The following SPATA16 variants were observed in gnomAD, a reference collection of about 807,000 sequenced individuals.
SPATA16 encodes spermatogenesis-associated protein 16.
Under a neutral mutation model 63.3 loss-of-function variants are expected in SPATA16, and 36 were observed. The observed-to-expected ratio is 0.57, with a 90% CI of 0.44 to 0.75. The LOEUF (loss-of-function observed/expected upper bound fraction) is 0.75. Among genes scored for constraint, SPATA16 ranks in the 30% least tolerant of loss-of-function variants. The pLI, the probability that SPATA16 is intolerant of heterozygous loss-of-function variation, is 0.00. For synonymous variants in SPATA16, 203 were observed against 216.7 expected (o/e 0.94, Z 0.56); for missense variants, 646 against 679.3 (o/e 0.95, Z 0.54).
At chr3:173,114,776 G>A (rs1430148399) in intron 2 of SPATA16, among the ~76,000 whole-genome samples, 1 of 152,178 alleles carries the variant, frequency 6.6e-6, no homozygotes, top group African/African-American at 2.4e-5. Context: ...AAGGAAAAGG[G>A]AGAGATGCTT....
At chr3:173,020,392 C>A (rs1202637416) in intron 3 of SPATA16, among the ~76,000 whole-genome samples, 1 of 152,012 alleles carries the variant, frequency 6.6e-6, no homozygotes, top group East Asian at 1.9e-4. Context: ...TAAGAGAAGA[C>A]CTGTACTGTT....
At chr3:173,136,218 A>G (rs918366720) in intron 1 of SPATA16, among the ~76,000 whole-genome samples, 1 of 152,238 alleles carries the variant, frequency 6.6e-6, no homozygotes, top group African/African-American at 2.4e-5. Context: ...ATAGACTGAA[A>G]GAGATTCCAT....
chr3:173,080,419 T>G (rs1178367553), intron 2 of SPATA16, among the ~76,000 whole-genome samples: 1 of 151,468 alleles, frequency 6.6e-6, no homozygotes, highest in Non-Finnish European at 1.5e-5. Flanking sequence ...GTTTTTCATG[T>G]TGAAACGCCA....
chr3:173,091,834 G>A (rs2108319854), intron 2 of SPATA16, among the ~76,000 whole-genome samples: 1 of 152,190 alleles, frequency 6.6e-6, no homozygotes, highest in East Asian at 1.9e-4. Context: ...AAATAAAGAT[G>A]CAGCATAATT....
At chr3:173,058,345 G>A (rs767723619) in intron 2 of SPATA16, among the ~76,000 whole-genome samples, 10 of 152,144 alleles carry the variant, frequency 6.6e-5, no homozygotes, top group East Asian at 3.9e-4. Flanking sequence ...ATGAACAGCC[G>A]TGTGTATACA....
chr3:173,023,768 T>C (rs1735389855), intron 3 of SPATA16, among the ~76,000 whole-genome samples: 1 of 151,696 alleles, frequency 6.6e-6, no homozygotes, highest in African/African-American at 2.4e-5. Context: ...ACAGAAATTT[T>C]ACTAATTTCT....
At chr3:172,944,376 A>C (rs998744928) in intron 6 of SPATA16, among the ~76,000 whole-genome samples, 1 of 152,220 alleles carries the variant, frequency 6.6e-6, no homozygotes, top group African/African-American at 2.4e-5. Flanking sequence ...TGATGAGGAC[A>C]TGGGGAAATT....
chr3:172,978,004 T>C (rs913426134), intron 4 of SPATA16, among the ~76,000 whole-genome samples: 4 of 152,138 alleles, frequency 2.6e-5, no homozygotes, highest in African/African-American at 7.2e-5. Flanking sequence ...ATAGCAGTTA[T>C]AAACTTACTC....
intron 4 of SPATA16, among the ~76,000 whole-genome samples, chr3:172,998,703 A>T (rs1734745876): frequency 6.6e-6 from 1 of 152,106 alleles, no homozygotes; most frequent in South Asian, 2.1e-4. Flanking sequence ...TAAAAAATGA[A>T]GTTTGGGAAG....
intron 6 of SPATA16, among the ~76,000 whole-genome samples, chr3:172,943,306 A>C (rs192623159): frequency 6.6e-6 from 1 of 152,364 alleles, no homozygotes; most frequent in East Asian, 1.9e-4. Flanking sequence ...AGCAAACTTT[A>C]TACTTAGTGG....
intron 2 of SPATA16, among the ~76,000 whole-genome samples, chr3:173,107,022 T>G (rs2108329188): frequency 6.6e-6 from 1 of 152,324 alleles, no homozygotes. Context: ...TCCATTGAAC[T>G]TTCTCATGCT....
At chr3:173,084,732 C>T (rs1049099678) in intron 2 of SPATA16, among the ~76,000 whole-genome samples, 2 of 152,150 alleles carry the variant, frequency 1.3e-5, no homozygotes, top group Non-Finnish European at 2.9e-5. Context: ...CAATTTTCTG[C>T]CTATGGCTAG....
intron 3 of SPATA16, among the ~76,000 whole-genome samples, chr3:173,029,372 C>T (rs1434167991): frequency 1.3e-5 from 2 of 150,540 alleles, no homozygotes; most frequent in East Asian, 3.9e-4. Context: ...AGACAAAGGA[C>T]AGTTTATTGT....
intron 6 of SPATA16, among the ~76,000 whole-genome samples, chr3:172,949,799 T>C (rs921075726): frequency 6.6e-6 from 1 of 152,006 alleles, no homozygotes; most frequent in South Asian, 2.1e-4. Context: ...AGAATGACAG[T>C]GGAAGAGACT....
At chr3:172,951,599 C>G (rs1052002165) in intron 6 of SPATA16, among the ~76,000 whole-genome samples, 3 of 152,098 alleles carry the variant, frequency 2.0e-5, no homozygotes, top group Non-Finnish European at 4.4e-5. Context: ...ACAAGGGTGA[C>G]TGTGAATTGG....
intron 5 of SPATA16, among the ~76,000 whole-genome samples, chr3:172,958,431 G>A (rs1193961910): frequency 6.6e-6 from 1 of 152,152 alleles, no homozygotes; most frequent in Non-Finnish European, 1.5e-5. Context: ...TTCACTGCTG[G>A]AACTGATCCT....
chr3:172,922,940 A>G (rs143221794), intron 8 of SPATA16, among the ~76,000 whole-genome samples: 19 of 152,212 alleles, frequency 1.2e-4, no homozygotes, highest in Admixed American at 3.9e-4. Context: ...AAAAACAAAA[A>G]ACAAACAAAA....
intron 4 of SPATA16, among the ~76,000 whole-genome samples, chr3:172,990,922 AG>A (rs1734561543): frequency 6.6e-6 from 1 of 152,140 alleles, no homozygotes; most frequent in Admixed American, 6.6e-5. Flanking sequence ...ATGCTTGACT[AG>A]CAATAAAAAT....
intron 4 of SPATA16, among the ~76,000 whole-genome samples, chr3:172,985,139 A>T (rs914206630): frequency 6.6e-6 from 1 of 152,096 alleles, no homozygotes; most frequent in Non-Finnish European, 1.5e-5. Flanking sequence ...CTCCTCCCTT[A>T]TCCCCCATGC....
Sources: gnomAD v4.1 joint callset for allele counts (sites outside exome capture counted in the v4.1 genomes callset) on GRCh38, gnomAD v4.1.1 for gene constraint, MANE v1.5 for transcripts, NCBI Gene and HGNC (gene_info 2026-07-23, HGNC 2026-07-21) for gene names.